The following MAP3K13 variants were observed in gnomAD, a reference collection of about 807,000 sequenced individuals.
MAP3K13 encodes the protein leucine zipper-bearing kinase.
In MAP3K13, 52 loss-of-function variants were observed where a neutral mutation model predicts 104.0. That is an observed-to-expected ratio of 0.50 (90% CI 0.40 to 0.63). The LOEUF (loss-of-function observed/expected upper bound fraction) is 0.63, where lower values mean the gene tolerates loss of function less well. Ranked by LOEUF, MAP3K13 falls within the 20% of genes least tolerant of loss-of-function variation. The probability of loss-of-function intolerance (pLI) is 0.00; values close to 1 mark genes in which losing one functional copy is unlikely to be tolerated. For synonymous variants in MAP3K13, 394 were observed against 442.2 expected (o/e 0.89, Z 1.37); for missense variants, 914 against 1,218.5 (o/e 0.75, Z 3.72).
chr3:185,300,553 G>C (rs975032740), intron 2 of MAP3K13, among the ~76,000 whole-genome samples: 1 of 150,228 alleles, frequency 6.7e-6, no homozygotes, highest in Non-Finnish European at 1.5e-5. Flanking sequence ...GTGCAATGGC[G>C]CCATCTCGGC....
chr3:185,430,771 C>A (rs554845309), intron 2 of MAP3K13, among the ~76,000 whole-genome samples: 1 of 152,110 alleles, frequency 6.6e-6, no homozygotes, highest in Non-Finnish European at 1.5e-5. Flanking sequence ...TGAGAATAAC[C>A]ATTAATGTTT....
intron 2 of MAP3K13, among the ~76,000 whole-genome samples, chr3:185,288,563 A>G: frequency 6.7e-6 from 1 of 149,540 alleles, no homozygotes. Flanking sequence ...CCAGAAAACC[A>G]GATAGGAAGT....
At chr3:185,417,775 A>T in intron 1 of MAP3K13, 6 of 1,612,158 alleles carry the variant, frequency 3.7e-6, no homozygotes, top group Non-Finnish European at 5.1e-6. Flanking sequence ...GTTCCGGCGC[A>T]TGGTCTTTGC....
chr3:185,387,078 G>C (rs1483950292), intron 1 of MAP3K13, among the ~76,000 whole-genome samples: 2 of 152,122 alleles, frequency 1.3e-5, no homozygotes, highest in Admixed American at 6.6e-5. Flanking sequence ...GTTGAAGAAA[G>C]AAAGGAAAAA....
At chr3:185,352,977 A>C (rs1309297910) in intron 2 of MAP3K13, among the ~76,000 whole-genome samples, 1 of 152,240 alleles carries the variant, frequency 6.6e-6, no homozygotes, top group East Asian at 1.9e-4. Context: ...AGATATTACT[A>C]TCCTATCTTG....
intron 1 of MAP3K13, among the ~76,000 whole-genome samples, chr3:185,419,398 G>C (rs189663927): frequency 2.0e-5 from 3 of 152,240 alleles, no homozygotes; most frequent in African/African-American, 7.2e-5. Context: ...TTTCATATCT[G>C]AAAATATAGT....
At chr3:185,342,175 A>G (rs895906666) in intron 2 of MAP3K13, among the ~76,000 whole-genome samples, 1 of 152,048 alleles carries the variant, frequency 6.6e-6, no homozygotes, top group African/African-American at 2.4e-5. Context: ...CTTGACTGCA[A>G]CTTAATGAGA....
At chr3:185,356,896 ATG>A (rs1401107808) in intron 2 of MAP3K13, among the ~76,000 whole-genome samples, 9 of 152,054 alleles carry the variant, frequency 5.9e-5, no homozygotes, top group African/African-American at 2.2e-4. Flanking sequence ...GTATGTATGT[ATG>A]TATGTATGTA....
At chr3:185,321,070 A>G (rs755443456) in intron 2 of MAP3K13, among the ~76,000 whole-genome samples, 2 of 151,654 alleles carry the variant, frequency 1.3e-5, no homozygotes, top group Non-Finnish European at 2.9e-5. Context: ...GCATGCACAC[A>G]CATATGCGTG....
In MAP3K13 at chr3:185,450,101, G is replaced by A. The variant is rs893440802; in HGVS notation, c.1169+43G>A. On this transcript the variant is annotated intron_variant, in intron 6 of 13. Transcript: ENST00000265026. The surrounding 1 kb of genome is among the most constrained non-coding windows in gnomAD (Gnocchi z 4.2). ...AAAACAATAGGGAGGTCTCTAATGT[G>A]TATTTGGAGTAAATATCCTGGTGGT... The A allele has an allele frequency of 6.7e-7, 1 of 1,483,012 alleles. No individual in the cohort carries two copies. Among genetic ancestry groups the A allele is most frequent in the Non-Finnish European group, 9.0e-7 (1 of 1,108,180 alleles). 91.9% of individuals were successfully genotyped at this position (1,483,012 alleles called of 1,614,324 possible). A position where few individuals can be genotyped will look rare whatever the true frequency, so the allele number is the denominator to read the frequency against.
chr3:185,440,471 A>G (rs3772682), intron 3 of MAP3K13, among the ~76,000 whole-genome samples: 21,371 of 152,190 alleles, frequency 0.14, 1,882 homozygotes, highest in South Asian at 0.26. Context: ...TGTAATGATA[A>G]TTAATCATTT....
chr3:185,425,286 G>A (rs977812896), intron 1 of MAP3K13, among the ~76,000 whole-genome samples: 8 of 152,114 alleles, frequency 5.3e-5, no homozygotes, highest in Non-Finnish European at 1.0e-4. Context: ...TGAGCTAATC[G>A]TCTTCTTTCC....
intron 2 of MAP3K13, among the ~76,000 whole-genome samples, chr3:185,431,462 T>C (rs1326412250): frequency 6.6e-6 from 1 of 152,214 alleles, no homozygotes; most frequent in African/African-American, 2.4e-5. Context: ...GATTAGTCCT[T>C]GGGATAAATT....
chr3:185,466,367 TC>T (rs1162185695), intron 9 of MAP3K13, among the ~76,000 whole-genome samples: 18 of 144,660 alleles, frequency 1.2e-4, no homozygotes, highest in Non-Finnish European at 2.7e-4. Context: ...ATTTAGTATT[TC>T]CTTTTTTTTT....
chr3:185,412,118 A>T (rs1713488061), intron 1 of MAP3K13, among the ~76,000 whole-genome samples: 1 of 152,112 alleles, frequency 6.6e-6, no homozygotes, highest in South Asian at 2.1e-4. Flanking sequence ...TTGTAATATT[A>T]ACCTTTGTAT....
At chr3:185,360,006 C>A (rs1723538965), upstream of MAP3K13, among the ~76,000 whole-genome samples, 1 of 150,294 alleles carries the variant, frequency 6.7e-6, no homozygotes, top group African/African-American at 2.4e-5. Context: ...ACCTTAATTT[C>A]TATATATAGA....
intron 2 of MAP3K13, among the ~76,000 whole-genome samples, chr3:185,337,010 C>A (rs953126671): frequency 2.6e-5 from 4 of 151,986 alleles, no homozygotes; most frequent in African/African-American, 9.7e-5. Flanking sequence ...TATAATGAAA[C>A]AATAAAATAT....
chr3:185,455,352 T>TATATATGAGATATATATG lies in MAP3K13; in HGVS notation c.1278+3963_1278+3964insGAGATATATATGATATAT, dbSNP rs1716469764. On this transcript the variant is annotated intron_variant, in intron 7 of 13. Coordinates refer to ENST00000265026, the MANE Select transcript of MAP3K13 (RefSeq NM_004721.5). ...TATGATATATATGAGATATATATGA[T>TATATATGAGATATATATG]ATATATATGAGATATATATGATATA... Among the ~76,000 whole-genome samples, 54 of 34,174 alleles carry TATATATGAGATATATATG rather than the reference T, an allele frequency of 1.6e-3. 1 individual carries two copies. The highest frequency in any genetic ancestry group is 2.4e-3 in the Non-Finnish European group (38 of 16,122). 22.4% of individuals were successfully genotyped at this position (34,174 alleles called of 152,430 possible).
chr3:185,340,032 GA>G (rs1722660918), intron 2 of MAP3K13, among the ~76,000 whole-genome samples: 1 of 151,910 alleles, frequency 6.6e-6, no homozygotes, highest in African/African-American at 2.4e-5. Flanking sequence ...GTAAGGGGTG[GA>G]GGGGAGGTGT....
Sources: gnomAD v4.1 joint callset for allele counts (sites outside exome capture counted in the v4.1 genomes callset) on GRCh38, gnomAD v4.1.1 for gene constraint, Gnocchi (gnomAD v3.1) non-coding constraint, MANE v1.5 for transcripts, NCBI Gene and HGNC (gene_info 2026-07-23, HGNC 2026-07-21) for gene names.